The following LRRC4C variants were observed in gnomAD, a reference collection of about 807,000 sequenced individuals.
The protein encoded by LRRC4C is leucine-rich repeat-containing protein 4C.
A neutral mutation model predicts 33.6 loss-of-function variants in LRRC4C; 5 were observed. The observed-to-expected ratio is 0.15, with a 90% CI of 0.08 to 0.31. The LOEUF (loss-of-function observed/expected upper bound fraction) is 0.31, where lower values mean the gene tolerates loss of function less well. Ranked by LOEUF, LRRC4C falls within the 10% of genes least tolerant of loss-of-function variation. The pLI is 1.00. For synonymous variants in LRRC4C, 329 were observed against 302.0 expected (o/e 1.09, Z -0.93); for missense variants, 560 against 796.7 (o/e 0.70, Z 3.58).
chr11:41,417,611 C>A (rs2138285193), intron 1 of LRRC4C, among the ~76,000 whole-genome samples: 1 of 151,986 alleles, frequency 6.6e-6, no homozygotes, highest in Non-Finnish European at 1.5e-5. Flanking sequence ...CCCTCAGGAC[C>A]AGGATCTAAA....
At chr11:40,622,120 G>A (rs965323080) in intron 3 of LRRC4C, among the ~76,000 whole-genome samples, 2 of 151,810 alleles carry the variant, frequency 1.3e-5, no homozygotes, top group African/African-American at 4.8e-5. Flanking sequence ...TTTCTACTTT[G>A]CCATAATATA....
At chr11:40,120,405 C>T (rs1488547042) in intron 6 of LRRC4C, among the ~76,000 whole-genome samples, 1 of 152,066 alleles carries the variant, frequency 6.6e-6, no homozygotes, top group African/African-American at 2.4e-5. Flanking sequence ...CCATTATCAA[C>T]AGAAAGCTAT....
chr11:40,734,156 C>A (rs73473349), intron 2 of LRRC4C, among the ~76,000 whole-genome samples: 12 of 151,946 alleles, frequency 7.9e-5, no homozygotes, highest in Non-Finnish European at 1.6e-4. Context: ...AAAATCAATG[C>A]TTTTTAAAAA....
intron 3 of LRRC4C, among the ~76,000 whole-genome samples, chr11:40,486,005 TGAAAG>T (rs888645607): frequency 2.7e-5 from 4 of 150,592 alleles, no homozygotes; most frequent in African/African-American, 4.9e-5. Context: ...AGGTGAAGGG[TGAAAG>T]GAGAGTGAGG....
At chr11:40,729,317 A>T (rs183455180) in intron 2 of LRRC4C, among the ~76,000 whole-genome samples, 5 of 152,280 alleles carry the variant, frequency 3.3e-5, no homozygotes, top group Admixed American at 3.3e-4. Context: ...AAAAGTACTG[A>T]ACACTATGGA....
chr11:40,794,933 A>G (rs1184772299), intron 2 of LRRC4C, among the ~76,000 whole-genome samples: 3 of 152,182 alleles, frequency 2.0e-5, no homozygotes, highest in Non-Finnish European at 4.4e-5. Flanking sequence ...GCTTCTAATT[A>G]ATTTTCTCCT....
intron 6 of LRRC4C, among the ~76,000 whole-genome samples, chr11:40,124,422 T>A: frequency 6.6e-6 from 1 of 152,184 alleles, no homozygotes; most frequent in Non-Finnish European, 1.5e-5. Flanking sequence ...CATCAACAGA[T>A]AAATGAATTT....
chr11:40,714,469 T>C lies in LRRC4C; in HGVS notation c.-406-66191A>G, dbSNP rs118177777. ...GTCCCATTTGGCCAACCACAGATTA[T>C]GAGCTAAGTAAATGCTTGTAAATCA... On this transcript the variant is annotated intron_variant, in intron 2 of 6. Coordinates refer to ENST00000528697, the MANE Select transcript of LRRC4C (RefSeq NM_001258419.2). Among the ~76,000 whole-genome samples, 422 of 152,346 alleles carry C rather than the reference T, an allele frequency of 2.8e-3. 1 individual carries two copies. Among genetic ancestry groups the C allele is most frequent in the Non-Finnish European group, 4.8e-3 (327 of 68,024 alleles).
At chr11:40,770,996 T>A (rs1949731881) in intron 2 of LRRC4C, among the ~76,000 whole-genome samples, 1 of 152,212 alleles carries the variant, frequency 6.6e-6, no homozygotes, top group Admixed American at 6.5e-5. Flanking sequence ...CGTTCTAGGA[T>A]CTGGAGAATG....
At chr11:41,205,093 C>T (rs1356710661) in intron 1 of LRRC4C, among the ~76,000 whole-genome samples, 1 of 151,952 alleles carries the variant, frequency 6.6e-6, no homozygotes, top group African/African-American at 2.4e-5. Context: ...TCCAAAGGCC[C>T]TGAGGTGGGA....
intron 2 of LRRC4C, among the ~76,000 whole-genome samples, chr11:40,659,957 C>T (rs1184359080): frequency 6.6e-6 from 1 of 152,208 alleles, no homozygotes; most frequent in Non-Finnish European, 1.5e-5. Flanking sequence ...AACATACCCC[C>T]CTGCTCATCA....
intron 1 of LRRC4C, among the ~76,000 whole-genome samples, chr11:41,053,274 C>G (rs1858382408): frequency 6.6e-6 from 1 of 152,200 alleles, no homozygotes; most frequent in Non-Finnish European, 1.5e-5. Flanking sequence ...CTAGGAGACA[C>G]TTTCTCCTTA....
intron 5 of LRRC4C, among the ~76,000 whole-genome samples, chr11:40,210,147 TA>T (rs893978437): frequency 6.7e-4 from 95 of 142,056 alleles, no homozygotes; most frequent in East Asian, 3.9e-3. Context: ...AGAATATATA[TA>T]AAAAAAAAAC....
chr11:40,275,351 T>A (rs143850082), intron 4 of LRRC4C, among the ~76,000 whole-genome samples: 227 of 152,244 alleles, frequency 1.5e-3, no homozygotes, highest in African/African-American at 5.1e-3. Flanking sequence ...CTGCTCCTTA[T>A]AACTTTAATC....
At chr11:40,228,224 C>T (rs1027253479) in intron 5 of LRRC4C, among the ~76,000 whole-genome samples, 1 of 152,176 alleles carries the variant, frequency 6.6e-6, no homozygotes, top group Non-Finnish European at 1.5e-5. Flanking sequence ...TAAGCAATGT[C>T]AGAAAGCCTG....
intron 3 of LRRC4C, among the ~76,000 whole-genome samples, chr11:40,567,720 T>C (rs1165238499): frequency 6.6e-6 from 1 of 152,222 alleles, no homozygotes; most frequent in Non-Finnish European, 1.5e-5. Context: ...TAATGGTCTT[T>C]CTGCTAAGAG....
intron 1 of LRRC4C, among the ~76,000 whole-genome samples, chr11:41,437,423 G>GCACACA (rs1173350573): frequency 0.042 from 6,271 of 149,590 alleles, 155 homozygotes; most frequent in East Asian, 0.089. Context: ...GCGCGCGCGC[G>GCACACA]CGCACACACA....
intron 3 of LRRC4C, among the ~76,000 whole-genome samples, chr11:40,496,742 A>G (rs981532887): frequency 2.2e-4 from 34 of 152,236 alleles, no homozygotes; most frequent in Non-Finnish European, 3.7e-4. Context: ...CTCTGAAACC[A>G]TGTGTTTAGA....
At chr11:40,671,688 A>AAATG (rs1944125431) in intron 2 of LRRC4C, among the ~76,000 whole-genome samples, 2 of 25,898 alleles carry the variant, frequency 7.7e-5, no homozygotes, top group African/African-American at 5.1e-4. Context: ...TAGTATATAT[A>AAATG]TATGTGTGTA....
Sources: allele counts gnomAD v4.1 joint callset (sites outside exome capture counted in the v4.1 genomes callset), GRCh38; gene constraint gnomAD v4.1.1; transcripts MANE v1.5; gene names NCBI Gene and HGNC (gene_info 2026-07-23, HGNC 2026-07-21).